TXLNG: variants seen among roughly 807,000 people sequenced by gnomAD.
TXLNG encodes the protein taxilin gamma, also known as gamma-taxilin.
In TXLNG, 5 loss-of-function variants were observed where a neutral mutation model predicts 38.8. The observed-to-expected ratio is 0.13, with a 90% CI of 0.07 to 0.27. The LOEUF is 0.27. Among genes scored for constraint, TXLNG ranks in the 10% least tolerant of loss-of-function variants. The pLI is 1.00. For missense variants in TXLNG, 393 were observed against 398.2 expected, an observed-to-expected ratio of 0.99 and a Z score of 0.11; for synonymous variants, 182 against 158.2, an observed-to-expected ratio of 1.15 and a Z score of -1.13.
In TXLNG at chrX:16,818,735, T is replaced by C. The variant is rs1218683466; in HGVS notation, c.264T>C (p.Phe88=). ...HSLEEDEGSD[F]ITENRNLVSP... ...TGGAAGAGGATGAAGGCAGTGACTTTATAACAGAGAACAGGAATTTGGTGA... is the reference window on the plus strand; with the variant it reads ...TGGAAGAGGATGAAGGCAGTGACTTCATAACAGAGAACAGGAATTTGGTGA... Residue 88 remains phenylalanine, a synonymous_variant, in exon 2 of 10, where the codon TTT becomes TTC. Coordinates refer to ENST00000380122, the MANE Select transcript of TXLNG (RefSeq NM_018360.3). 3 of 1,211,901 alleles carry C rather than the reference T, an allele frequency of 2.5e-6. No individual in the cohort carries two copies. Among genetic ancestry groups the C allele is most frequent in the Non-Finnish European group, 3.3e-6 (3 of 895,594 alleles).
chrX:16,824,737 T>C (rs1450138738), intron 3 of TXLNG, among the ~76,000 whole-genome samples: 2 of 98,777 alleles, frequency 2.0e-5, no homozygotes, highest in Non-Finnish European at 4.0e-5. Context: ...TCCAATATGG[T>C]GAAAGCCCGT....
intron 1 of TXLNG, among the ~76,000 whole-genome samples, chrX:16,798,147 C>T (rs1489984155): frequency 8.9e-6 from 1 of 112,145 alleles, no homozygotes; most frequent in East Asian, 2.8e-4. Flanking sequence ...TTTTGTAATA[C>T]CATCCATTAG....
chrX:16,819,053 CAG>C (rs1465285413), intron 2 of TXLNG, among the ~76,000 whole-genome samples, 176 bp downstream of exon 2: 3 of 110,152 alleles, frequency 2.7e-5, no homozygotes, highest in Non-Finnish European at 5.7e-5. Flanking sequence ...GCGAAAACAG[CAG>C]AGAGGACGCT....
chrX:16,836,934 C>T (rs183871433), intron 7 of TXLNG, among the ~76,000 whole-genome samples: 181 of 111,369 alleles, frequency 1.6e-3, no homozygotes, highest in African/African-American at 5.7e-3. Flanking sequence ...GAAGCTTCCC[C>T]TAAGTATCCT....
chrX:16,824,303 C>A (rs1297280463), intron 3 of TXLNG, among the ~76,000 whole-genome samples: 2 of 108,973 alleles, frequency 1.8e-5, no homozygotes, highest in Non-Finnish European at 3.8e-5. Context: ...GTTCGTGCCA[C>A]ATGGCAACCC....
chrX:16,814,311 C>G (rs983057221), intron 1 of TXLNG, among the ~76,000 whole-genome samples: 1 of 111,362 alleles, frequency 9.0e-6, no homozygotes, highest in African/African-American at 3.3e-5. Context: ...GAAAATTTGC[C>G]ACATGCAAAT....
intron 1 of TXLNG, among the ~76,000 whole-genome samples, chrX:16,812,797 G>A (rs1332184722): frequency 1.0e-5 from 1 of 98,292 alleles, no homozygotes; most frequent in Non-Finnish European, 2.0e-5. Flanking sequence ...TGCCTCGCAG[G>A]TTCTAGTGAT....
intron 1 of TXLNG, among the ~76,000 whole-genome samples, chrX:16,801,482 G>C (rs1426004825): frequency 8.9e-6 from 1 of 111,866 alleles, no homozygotes; most frequent in Non-Finnish European, 1.9e-5. Flanking sequence ...CACCGAGCTC[G>C]GCCTCAGGCA....
At chrX:16,820,620 T>G (rs1193850609) in intron 3 of TXLNG, among the ~76,000 whole-genome samples, 1 of 111,844 alleles carries the variant, frequency 8.9e-6, no homozygotes, top group Non-Finnish European at 1.9e-5. Context: ...GAGGACTGTT[T>G]TGATTGAGAT....
Position 16,817,219 on chromosome X carries a change from C to G in TXLNG, c.103-1355C>G, listed in dbSNP as rs758948976. Among the ~76,000 whole-genome samples, 30 of 111,893 alleles carry G rather than the reference C, an allele frequency of 2.7e-4. No homozygotes were observed. In the Admixed American group the frequency reaches 2.8e-3, roughly 10 times the overall value. ...CATTTTGGAGCTATTAGGAATAGTG[C>G]TCCTTTATTCTTGGACTTTGGATAC... On this transcript the variant is annotated intron_variant, in intron 1 of 9. Transcript: ENST00000380122.
At chrX:16,806,944 C>T (rs1446004966) in intron 1 of TXLNG, among the ~76,000 whole-genome samples, 2 of 97,137 alleles carry the variant, frequency 2.1e-5, no homozygotes, top group Non-Finnish European at 4.1e-5. Flanking sequence ...AAAAATTAGG[C>T]GTGGTGGCAC....
At chrX:16,830,586 C>A (rs1285171418) in intron 5 of TXLNG, among the ~76,000 whole-genome samples, 1 of 101,082 alleles carries the variant, frequency 9.9e-6, no homozygotes, top group Non-Finnish European at 2.0e-5. Context: ...GAAATGGATT[C>A]AAAAAGCTGA....
rs971046187 is a variant in TXLNG, at chrX:16,843,751, G to A, written c.*1985G>A. 1.8e-5 allele frequency: 2 copies of A among 112,019 alleles called. No homozygotes were observed. The highest frequency in any genetic ancestry group is 6.5e-5 in the African/African-American group (2 of 30,795). The allele number at this position is 112,019 out of a possible 1,213,427, so 9.2% of individuals were successfully genotyped here. A position where few individuals can be genotyped will look rare whatever the true frequency, so the allele number is the denominator to read the frequency against. On this transcript the variant is annotated 3_prime_UTR_variant, in exon 10 of 10. Transcript: ENST00000380122. The stretch of plus-strand genomic sequence containing the variant: ...ATACTTCCAAGGGCTTTAAAGCAAT[G>A]TGATTAACAGTACTTGGCCTGCTGC...
chrX:16,840,357 G>C, intron 9 of TXLNG: 3 of 567,016 alleles, frequency 5.3e-6, no homozygotes, highest in Non-Finnish European at 6.4e-6. Context: ...TGATGCTGAT[G>C]CAGCATGTAG....
intron 1 of TXLNG, among the ~76,000 whole-genome samples, chrX:16,789,470 T>C (rs1422564074): frequency 2.7e-5 from 3 of 109,519 alleles, no homozygotes; most frequent in Admixed American, 2.0e-4. Flanking sequence ...TCTTCAGTTA[T>C]ACTAACCAAG....
At chrX:16,823,871 C>T (rs1319922764) in intron 3 of TXLNG, among the ~76,000 whole-genome samples, 1 of 111,236 alleles carries the variant, frequency 9.0e-6, no homozygotes, top group African/African-American at 3.3e-5. Context: ...TTAATATATG[C>T]TTGGGGTAGG....
chrX:16,830,889 A>G (rs1413936257), intron 5 of TXLNG, among the ~76,000 whole-genome samples: 2 of 37,921 alleles, frequency 5.3e-5, no homozygotes, highest in African/African-American at 4.1e-4. Flanking sequence ...GTGTGTGTAT[A>G]GAGACAGTTT....
At chrX:16,836,241 G>A (rs1222121776) in intron 7 of TXLNG, among the ~76,000 whole-genome samples, 3 of 111,939 alleles carry the variant, frequency 2.7e-5, no homozygotes, top group African/African-American at 9.7e-5. Context: ...CAGCCTGAGC[G>A]ACAGAGTGAG....
intron 1 of TXLNG, among the ~76,000 whole-genome samples, chrX:16,808,811 T>G (rs1928414407): frequency 8.9e-6 from 1 of 112,097 alleles, no homozygotes; most frequent in African/African-American, 3.2e-5. Flanking sequence ...ATTTCTGAAT[T>G]TTTGCTACCA....
Sources: gnomAD v4.1 joint callset for allele counts (sites outside exome capture counted in the v4.1 genomes callset) on GRCh38, gnomAD v4.1.1 for gene constraint, MANE v1.5 for transcripts, NCBI Gene and HGNC (gene_info 2026-07-23, HGNC 2026-07-21) for gene names.